Variants in CMIP observed in about 807,000 individuals in gnomAD.
CMIP encodes C-Maf-inducing protein.
CMIP carries 13 observed loss-of-function variants against 97.3 expected under a neutral mutation model. The observed-to-expected ratio is 0.13, with a 90% CI of 0.09 to 0.21. The LOEUF is 0.21. CMIP is among the 10% of genes least tolerant of loss of function. The probability of loss-of-function intolerance (pLI) is 1.00; values close to 1 mark genes in which losing one functional copy is unlikely to be tolerated. For missense variants in CMIP, 847 were observed against 1,024.9 expected (o/e 0.83, Z 2.37); for synonymous variants, 538 against 436.3 (o/e 1.23, Z -2.91).
intron 1 of CMIP, among the ~76,000 whole-genome samples, chr16:81,504,657 A>AG (rs2089673693): frequency 6.7e-6 from 1 of 150,040 alleles, no homozygotes; most frequent in Admixed American, 6.7e-5. Flanking sequence ...AAAAAAAAAA[A>AG]AAAAAAAAAG....
At chr16:81,669,908 C>T (rs2092665323) in intron 7 of CMIP, among the ~76,000 whole-genome samples, 1 of 152,242 alleles carries the variant, frequency 6.6e-6, no homozygotes, top group Admixed American at 6.5e-5. Flanking sequence ...TCTCTACAGC[C>T]AGAAGCACCT....
rs1457583811 is a variant in CMIP at position 81,671,870 on chromosome 16, C to T, written c.930-96C>T. ...CAAGTGGCGCTGGCAGAGCGGGCAG[C>T]CCCGTGCCTGAGCAACGCCCTCCCT... On this transcript the variant is annotated intron_variant, in intron 8 of 20. Coordinates refer to ENST00000537098, the MANE Select transcript of CMIP (RefSeq NM_198390.3). 2.5e-5 allele frequency: 16 copies of T among 633,814 alleles called. 1 individual carries two copies. In the South Asian group the frequency reaches 2.7e-4, roughly 11 times the overall value. 39.3% of individuals were successfully genotyped at this position (633,814 alleles called of 1,614,324 possible). A position where few individuals can be genotyped will look rare whatever the true frequency, so the allele number is the denominator to read the frequency against.
At chr16:81,664,433 A>G in intron 7 of CMIP, 84 bp downstream of exon 7, 1 of 1,333,400 alleles carries the variant, frequency 7.5e-7, no homozygotes, top group Non-Finnish European at 1.0e-6. Flanking sequence ...GCGTTGGCAC[A>G]GATTTGGGGA....
chr16:81,464,582 A>C (rs1223937809), intron 1 of CMIP: 1 of 152,148 alleles, frequency 6.6e-6, no homozygotes, highest in African/African-American at 2.4e-5. Context: ...ATTGTGGTAA[A>C]ATATGCATAA....
intron 10 of CMIP, among the ~76,000 whole-genome samples, chr16:81,678,942 T>G (rs1384546188): frequency 6.6e-6 from 1 of 152,230 alleles, no homozygotes; most frequent in African/African-American, 2.4e-5. Flanking sequence ...TATGCTTGAG[T>G]GCCTGGGCAC....
At chr16:81,644,699 A>G (rs187936935) in intron 3 of CMIP, among the ~76,000 whole-genome samples, 36 of 152,332 alleles carry the variant, frequency 2.4e-4, no homozygotes, top group Admixed American at 2.4e-3. Context: ...AGCCATAGTG[A>G]GTCTTGAATC....
chr16:81,533,425 G>A (rs1371330871), intron 1 of CMIP, among the ~76,000 whole-genome samples: 2 of 152,176 alleles, frequency 1.3e-5, no homozygotes, highest in African/African-American at 4.8e-5. Flanking sequence ...TGGTAGCTAA[G>A]GTTATGTGCA....
At chr16:81,645,720 G>C (rs2092357106) in intron 3 of CMIP, 1 of 1,199,506 alleles carries the variant, frequency 8.3e-7, no homozygotes, top group African/African-American at 1.5e-5. Flanking sequence ...GTGGGGCTTG[G>C]GCTCGGATGT....
intron 3 of CMIP, among the ~76,000 whole-genome samples, chr16:81,623,216 A>C (rs1208850046): frequency 6.6e-6 from 1 of 152,106 alleles, no homozygotes; most frequent in Non-Finnish European, 1.5e-5. Flanking sequence ...CACCCCAAAA[A>C]TGTTAAGGTT....
At chr16:81,682,018 C>G (rs1185829180) in intron 10 of CMIP, among the ~76,000 whole-genome samples, 2 of 151,618 alleles carry the variant, frequency 1.3e-5, no homozygotes, top group Non-Finnish European at 2.9e-5. Flanking sequence ...GCCTGGCCAA[C>G]GTGACGAAAT....
At position 81,445,147 on chromosome 16, in the gene CMIP, G is replaced by A. The variant is rs1257643637; in HGVS notation, c.-95G>A. 2 of 667,832 alleles carry A rather than the reference G, an allele frequency of 3.0e-6. No homozygotes were observed. Among genetic ancestry groups the A allele is most frequent in the Admixed American group, 8.8e-5 (2 of 22,750 alleles). 41.4% of individuals were successfully genotyped at this position (667,832 alleles called of 1,614,324 possible). ...CACCCCCCCACCTTCCCGGGGGGTG[G>A]GGGGGTGCGGGCCGCCGGATCCGGG... On this transcript the variant is annotated 5_prime_UTR_variant, in exon 1 of 21. Coordinates refer to ENST00000537098, the MANE Select transcript of CMIP (RefSeq NM_198390.3).
At chr16:81,571,654 G>C (rs969509585) in intron 1 of CMIP, among the ~76,000 whole-genome samples, 1 of 151,750 alleles carries the variant, frequency 6.6e-6, no homozygotes, top group African/African-American at 2.4e-5. Context: ...AAGAGTTGCA[G>C]GCTCACAGGG....
chr16:81,536,251 A>G (rs1199843324), intron 1 of CMIP, among the ~76,000 whole-genome samples: 1 of 152,128 alleles, frequency 6.6e-6, no homozygotes, highest in Non-Finnish European at 1.5e-5. Flanking sequence ...TGTTGTGAGG[A>G]TGACCAAAGG....
At chr16:81,693,084 G>T in intron 11 of CMIP, 74 bp from the exon 12 acceptor site, 1 of 1,097,998 alleles carries the variant, frequency 9.1e-7, no homozygotes, top group South Asian at 1.3e-5. Flanking sequence ...CGTCCCCAGA[G>T]GTTAATCTTG....
chr16:81,643,293 G>T (rs867399868), intron 3 of CMIP, among the ~76,000 whole-genome samples: 1 of 152,216 alleles, frequency 6.6e-6, no homozygotes, highest in South Asian at 2.1e-4. Flanking sequence ...GACACATAGT[G>T]TATGATTCCA....
At chr16:81,503,617 G>A (rs1597483000) in intron 1 of CMIP, among the ~76,000 whole-genome samples, 1 of 152,188 alleles carries the variant, frequency 6.6e-6, no homozygotes, top group Non-Finnish European at 1.5e-5. Context: ...GGTTGTTCTT[G>A]AACTCTTGAG....
At chr16:81,675,161 G>A (rs529073860) in intron 9 of CMIP, among the ~76,000 whole-genome samples, 153 of 152,194 alleles carry the variant, frequency 1.0e-3, no homozygotes, top group Middle Eastern at 3.4e-3. Flanking sequence ...GAAAGGCCTG[G>A]CAGTGATGGG....
At chr16:81,493,231 C>T (rs12932649) in intron 1 of CMIP, among the ~76,000 whole-genome samples, 33,079 of 152,076 alleles carry the variant, frequency 0.22, 4,019 homozygotes, top group East Asian at 0.36. Flanking sequence ...CCTCTAGGGC[C>T]CTCCCCCAGC....
At chr16:81,548,418 G>A (rs1213241132) in intron 1 of CMIP, among the ~76,000 whole-genome samples, 1 of 152,074 alleles carries the variant, frequency 6.6e-6, no homozygotes, top group Non-Finnish European at 1.5e-5. Flanking sequence ...ATTACAGTGT[G>A]AGGCACCAGC....
Sources: gnomAD v4.1 joint callset for allele counts (sites outside exome capture counted in the v4.1 genomes callset) on GRCh38, gnomAD v4.1.1 for gene constraint, MANE v1.5 for transcripts, NCBI Gene and HGNC (gene_info 2026-07-23, HGNC 2026-07-21) for gene names.